Variants in TAF1A observed in about 807,000 individuals in gnomAD.
TAF1A encodes TATA-box binding protein associated factor, RNA polymerase I subunit A.
A neutral mutation model predicts 61.6 loss-of-function variants in TAF1A; 42 were observed. The ratio of observed to expected loss-of-function variants is 0.68; its 90% CI spans 0.53 to 0.88. The LOEUF (loss-of-function observed/expected upper bound fraction) is 0.88, where lower values mean the gene tolerates loss of function less well. Among genes scored for constraint, TAF1A ranks in the 40% least tolerant of loss-of-function variants. The pLI is 0.00. For missense variants in TAF1A, 424 were observed against 518.7 expected (o/e 0.82, Z 1.77); for synonymous variants, 179 against 177.7 (o/e 1.01, Z -0.06).
At chr1:222,586,481 C>T (rs1661021194) in intron 2 of TAF1A, among the ~76,000 whole-genome samples, 1 of 152,134 alleles carries the variant, frequency 6.6e-6, no homozygotes, top group South Asian at 2.1e-4. Flanking sequence ...CCTCTCATTT[C>T]ATTCTTTAAT....
At chr1:222,578,617 C>T (rs899669945) in intron 4 of TAF1A, among the ~76,000 whole-genome samples, 1 of 152,164 alleles carries the variant, frequency 6.6e-6, no homozygotes, top group Non-Finnish European at 1.5e-5. Context: ...CTTTTGCAAA[C>T]TTATCTCAAG....
intron 9 of TAF1A, 113 bp from the exon 10 acceptor site, chr1:222,561,631 C>A: frequency 9.0e-7 from 1 of 1,113,272 alleles, no homozygotes; most frequent in Non-Finnish European, 1.2e-6. Context: ...TGCTTCCAAG[C>A]TAAATTCTCA....
chr1:222,589,171 A>G (rs1264375460), intron 1 of TAF1A, among the ~76,000 whole-genome samples: 6 of 152,172 alleles, frequency 3.9e-5, no homozygotes, highest in Non-Finnish European at 7.3e-5. Context: ...CGAACCTAGA[A>G]AAATCATCAT....
At chr1:222,561,609 T>A (rs751324685) in intron 9 of TAF1A, 91 bp from the exon 10 acceptor site, 4 of 1,293,244 alleles carry the variant, frequency 3.1e-6, no homozygotes, top group Non-Finnish European at 4.2e-6. Flanking sequence ...TACAGAAAGA[T>A]GACAAGGAAG....
In TAF1A at chr1:222,561,359, T is replaced by C. The variant is rs745994297; in HGVS notation, c.1240+5A>G. On this transcript the variant is annotated splice_donor_5th_base_variant and intron_variant, in intron 10 of 10. Transcript: ENST00000352967. The stretch of plus-strand genomic sequence containing the variant: ...GTCTAGATAAAACGAAAATAAAAAC[T>C]GTACCTTTTCCTAACAGTAAACCAG... 18 of 1,594,828 alleles carry C rather than the reference T, an allele frequency of 1.1e-5. No individual in the cohort carries two copies. The highest frequency in any genetic ancestry group is 1.4e-5 in the Non-Finnish European group (16 of 1,174,074).
rs977303821 is a variant in TAF1A at position 222,577,343 on chromosome 1, T to C, written c.604+102A>G. The C allele has an allele frequency of 4.5e-6, 4 of 888,354 alleles. No homozygotes were observed. The African/African-American group carries it at 6.8e-5, about 15-fold the overall frequency. 55.0% of individuals were successfully genotyped at this position (888,354 alleles called of 1,614,324 possible). ...AAATCCATAAAAAGTCTGTTCTCCA[T>C]AATATCTGGATGAAGTCAATAGGGA... On this transcript the variant is annotated intron_variant, in intron 5 of 10. Transcript: ENST00000352967.
intron 2 of TAF1A, among the ~76,000 whole-genome samples, chr1:222,585,569 C>T (rs1207330905): frequency 6.6e-6 from 1 of 152,106 alleles, no homozygotes; most frequent in Non-Finnish European, 1.5e-5. Flanking sequence ...CTTTTGGCCT[C>T]CCAAAGTGCT....
intron 5 of TAF1A, among the ~76,000 whole-genome samples, chr1:222,572,088 A>G (rs547099946): frequency 3.4e-4 from 51 of 152,180 alleles, no homozygotes; most frequent in Non-Finnish European, 5.9e-4. Flanking sequence ...GCGTGGTGGC[A>G]CACGCCTGTA....
intron 5 of TAF1A, among the ~76,000 whole-genome samples, chr1:222,576,896 G>A (rs975575304): frequency 3.9e-5 from 6 of 152,116 alleles, no homozygotes; most frequent in Non-Finnish European, 1.5e-5. Flanking sequence ...GCTCTCTTCT[G>A]GACTAGGCCT....
downstream of TAF1A, chr1:222,557,871 A>T (rs1009462110): frequency 1.4e-5 from 2 of 145,718 alleles, no homozygotes; most frequent in Non-Finnish European, 3.0e-5. Context: ...ATACTGAAAG[A>T]GTCTTTTTGT....
intron 1 of TAF1A, 135 bp from the exon 2 acceptor site, chr1:222,588,700 T>C (rs948703334): frequency 1.1e-6 from 1 of 916,832 alleles, no homozygotes; most frequent in Non-Finnish European, 1.5e-6. Flanking sequence ...TGTCAGCTCT[T>C]TTAAAGTAAA....
chr1:222,587,747 G>A (rs1470808775), intron 2 of TAF1A, among the ~76,000 whole-genome samples: 4 of 152,082 alleles, frequency 2.6e-5, no homozygotes, highest in Non-Finnish European at 5.9e-5. Context: ...AGATAAAAAT[G>A]GGGGAAAATG....
At chr1:222,586,244 G>C (rs555362396) in intron 2 of TAF1A, among the ~76,000 whole-genome samples, 10 of 152,230 alleles carry the variant, frequency 6.6e-5, no homozygotes, top group African/African-American at 2.4e-4. Flanking sequence ...AAAGCTGCTC[G>C]GCATCAGTGG....
intron 5 of TAF1A, among the ~76,000 whole-genome samples, chr1:222,572,373 A>T (rs551397912): frequency 3.4e-4 from 52 of 152,284 alleles, no homozygotes; most frequent in Non-Finnish European, 6.0e-4. Flanking sequence ...TGTGTGTGTA[A>T]GACAGGGCCT....
chr1:222,568,121 C>T (rs1186834647), intron 7 of TAF1A, among the ~76,000 whole-genome samples: 1 of 150,952 alleles, frequency 6.6e-6, no homozygotes, highest in Non-Finnish European at 1.5e-5. Context: ...CACACACTAC[C>T]CACAAAAAAA....
rs747886436 is a variant in TAF1A at position 222,577,488 on chromosome 1, C to T, written c.561G>A (p.Gln187=). ...TCTTCTTTTCAGACCAGGTATAATA[C>T]TGTAAAAGCCCTTTATAGGCCTGAA... The part of the protein sequence containing the change: ...NLIQAYKGLL[Q]YYTWSEKKME... The change falls in exon 5 of 11, where the codon CAG becomes CAA. Residue 187 remains glutamine (Q), a synonymous_variant. Transcript: ENST00000352967. The T allele has an allele frequency of 2.5e-6, 4 of 1,613,832 alleles. No homozygotes were observed. Among genetic ancestry groups the T allele is most frequent in the African/African-American group, 2.7e-5 (2 of 74,914 alleles).
At chr1:222,583,463 C>T (rs1478807406) in intron 3 of TAF1A, among the ~76,000 whole-genome samples, 2 of 149,668 alleles carry the variant, frequency 1.3e-5, no homozygotes, top group African/African-American at 2.5e-5. Context: ...AAAAAGAGAA[C>T]AACTCTTTCA....
chr1:222,562,227 A>G (rs1031376475), intron 9 of TAF1A, among the ~76,000 whole-genome samples: 2 of 152,106 alleles, frequency 1.3e-5, no homozygotes, highest in African/African-American at 4.8e-5. Context: ...GAGCACCTGA[A>G]CTCTACTCAT....
downstream of TAF1A, among the ~76,000 whole-genome samples, chr1:222,555,330 G>A (rs185811094): frequency 2.0e-5 from 3 of 152,262 alleles, no homozygotes; most frequent in Admixed American, 6.5e-5. Context: ...ATTACTCAAC[G>A]TCCTTTGATG....
Sources: gnomAD v4.1 joint callset for allele counts (sites outside exome capture counted in the v4.1 genomes callset) on GRCh38, gnomAD v4.1.1 for gene constraint, MANE v1.5 for transcripts, NCBI Gene and HGNC (gene_info 2026-07-23, HGNC 2026-07-21) for gene names.